PTK2: variants seen among roughly 807,000 people sequenced by gnomAD.
The protein encoded by PTK2 is protein tyrosine kinase 2.
PTK2 carries 45 observed loss-of-function variants against 150.1 expected under a neutral mutation model. The ratio of observed to expected loss-of-function variants is 0.30; its 90% CI spans 0.24 to 0.38. The LOEUF is 0.38. PTK2 is among the 10% of genes least tolerant of loss of function. The probability of loss-of-function intolerance (pLI) is 1.00; values close to 1 mark genes in which losing one functional copy is unlikely to be tolerated. For synonymous variants in PTK2, 432 were observed against 449.2 expected (o/e 0.96, Z 0.48); for missense variants, 919 against 1,307.3 (o/e 0.70, Z 4.58).
intron 3 of PTK2, among the ~76,000 whole-genome samples, chr8:140,884,675 C>T (rs939618074): frequency 6.6e-6 from 1 of 152,086 alleles, no homozygotes; most frequent in African/African-American, 2.4e-5. Context: ...GAATTCCCTT[C>T]CCCTACAGAT....
At chr8:140,804,012 C>G (rs2100096817) in intron 10 of PTK2, among the ~76,000 whole-genome samples, 1 of 152,122 alleles carries the variant, frequency 6.6e-6, no homozygotes, top group African/African-American at 2.4e-5. Flanking sequence ...AATTCTTAGT[C>G]AAAGAGAACA....
chr8:140,934,147 C>G (rs1055359605), intron 1 of PTK2, among the ~76,000 whole-genome samples: 1 of 152,166 alleles, frequency 6.6e-6, no homozygotes, highest in Non-Finnish European at 1.5e-5. Context: ...AATCATATAT[C>G]TAATAAATCA....
At chr8:140,676,861 C>A (rs1016632134) in intron 27 of PTK2, among the ~76,000 whole-genome samples, 9 of 144,534 alleles carry the variant, frequency 6.2e-5, no homozygotes, top group Non-Finnish European at 1.3e-4. Flanking sequence ...ATTGCTTGAA[C>A]CTGGTGGGGG....
At chr8:140,856,602 AATGG>A (rs1266820937) in intron 5 of PTK2, among the ~76,000 whole-genome samples, 2 of 152,178 alleles carry the variant, frequency 1.3e-5, no homozygotes, top group Non-Finnish European at 2.9e-5. Flanking sequence ...ACACAGGAGC[AATGG>A]TTGCTTGGGG....
intron 25 of PTK2, among the ~76,000 whole-genome samples, chr8:140,701,249 G>A (rs976452397): frequency 1.3e-5 from 2 of 151,856 alleles, no homozygotes; most frequent in Admixed American, 1.3e-4. Context: ...CACTTGTAAG[G>A]GTCTATTTTA....
At chr8:140,835,206 T>A (rs1252293838) in intron 7 of PTK2, among the ~76,000 whole-genome samples, 1 of 152,260 alleles carries the variant, frequency 6.6e-6, no homozygotes. Context: ...AAGCCTCAGA[T>A]GGGAATCAAC....
intron 7 of PTK2, among the ~76,000 whole-genome samples, chr8:140,839,538 A>G (rs2100121002): frequency 6.6e-6 from 1 of 152,256 alleles, no homozygotes; most frequent in Non-Finnish European, 1.5e-5. Flanking sequence ...AGCATGAAGA[A>G]GATTACATCA....
Position 140,706,105 on chromosome 8 carries a change from A to G in PTK2, c.2229+14T>C, listed in dbSNP as rs759706864. ...ATAAAATAACACAGTTTATATCTGT[A>G]ATGACTGGCATACCTGGTAATGATT... On this transcript the variant is annotated intron_variant, in intron 24 of 31. Coordinates refer to ENST00000522684, the Ensembl canonical transcript of PTK2. 3 of 1,577,150 alleles carry G rather than the reference A, an allele frequency of 1.9e-6. No individual in the cohort carries two copies. The highest frequency in any genetic ancestry group is 2.6e-6 in the Non-Finnish European group (3 of 1,147,190).
At chr8:140,920,919 C>A in intron 2 of PTK2, 1 of 1,509,770 alleles carries the variant, frequency 6.6e-7, no homozygotes, top group Non-Finnish European at 8.8e-7. Context: ...AACATACACC[C>A]AATCCTATAA....
intron 15 of PTK2, among the ~76,000 whole-genome samples, chr8:140,763,359 T>C (rs1328820070): frequency 6.6e-6 from 1 of 152,164 alleles, no homozygotes; most frequent in Admixed American, 6.6e-5. Context: ...ATTTTACAAA[T>C]ATATATAGCT....
chr8:140,787,592 A>G (rs767291476), intron 14 of PTK2, among the ~76,000 whole-genome samples: 1 of 152,188 alleles, frequency 6.6e-6, no homozygotes, highest in Non-Finnish European at 1.5e-5. Flanking sequence ...TTGAATGGAG[A>G]GTATTGATTA....
intron 22 of PTK2, chr8:140,735,013 A>T: frequency 3.6e-6 from 2 of 551,294 alleles, no homozygotes; most frequent in South Asian, 4.2e-5. Flanking sequence ...GTCAGAAGCT[A>T]GGGGAGAGAG....
rs1394348347 is a variant in PTK2 at position 140,792,154 on chromosome 8, CAG to C, written c.1124+1198_1124+1199del. Among the ~76,000 whole-genome samples, 7 of 152,310 alleles carry C rather than the reference CAG, an allele frequency of 4.6e-5. No individual in the cohort carries two copies. The South Asian group carries it at 6.2e-4, about 14-fold the overall frequency. ...TGCTATCTGGGAACTTGGATTTTCG[CAG>C]AGTTGCCACCATCCCCTGACAGGTA... On this transcript the variant is annotated intron_variant, in intron 13 of 31. Transcript: ENST00000522684.
At chr8:140,950,164 A>G (rs2100179096) in intron 1 of PTK2, among the ~76,000 whole-genome samples, 1 of 152,036 alleles carries the variant, frequency 6.6e-6, no homozygotes, top group South Asian at 2.1e-4. Flanking sequence ...CTTCCTGGAC[A>G]CTGGATAAGA....
intron 2 of PTK2, among the ~76,000 whole-genome samples, chr8:140,913,396 AGTGATTCTT>A (rs1252676536): frequency 6.6e-6 from 1 of 151,588 alleles, no homozygotes; most frequent in African/African-American, 2.4e-5. Context: ...CCCAGGTTCA[AGTGATTCTT>A]GTGCCTCAGC....
At chr8:140,753,977 C>G (rs1276633529) in intron 16 of PTK2, among the ~76,000 whole-genome samples, 4 of 152,168 alleles carry the variant, frequency 2.6e-5, no homozygotes, top group African/African-American at 9.7e-5. Context: ...TTGTGTTTTG[C>G]TTAACAAGTT....
At chr8:140,962,023 A>C (rs2100183360) in intron 1 of PTK2, among the ~76,000 whole-genome samples, 3 of 152,014 alleles carry the variant, frequency 2.0e-5, no homozygotes, top group African/African-American at 7.2e-5. Flanking sequence ...CAGGTGGATC[A>C]CATGAGGCCA....
At position 140,947,875 on chromosome 8, in the gene PTK2, C is replaced by CA. The variant is rs545518867; in HGVS notation, c.-121-22127dup. Among the ~76,000 whole-genome samples the CA allele has an allele frequency of 6.4e-4, 97 of 151,862 alleles. 1 individual carries two copies. The South Asian group carries it at 0.02, about 31-fold the overall frequency. On this transcript the variant is annotated intron_variant, in intron 1 of 31. Coordinates refer to ENST00000522684, the Ensembl canonical transcript of PTK2. ...GGCTAACTCAGCATTTACCCTCGGACAAAAAATAATAATAATAATAATTTT... is the reference window on the plus strand; with the variant it reads ...GGCTAACTCAGCATTTACCCTCGGACAAAAAAATAATAATAATAATAATTTT...
intron 5 of PTK2, among the ~76,000 whole-genome samples, chr8:140,850,661 C>A (rs534532948): frequency 1.3e-5 from 2 of 151,778 alleles, no homozygotes; most frequent in African/African-American, 2.4e-5. Context: ...ACGCGGGAGG[C>A]GGAGCTTGCA....
Sources: allele counts gnomAD v4.1 joint callset (sites outside exome capture counted in the v4.1 genomes callset), GRCh38; gene constraint gnomAD v4.1.1; transcripts MANE v1.5; gene names NCBI Gene and HGNC (gene_info 2026-07-23, HGNC 2026-07-21).